CCSER1: variants seen among roughly 807,000 people sequenced by gnomAD.
CCSER1 encodes coiled-coil serine rich protein 1.
A neutral mutation model predicts 82.0 loss-of-function variants in CCSER1; 41 were observed. That is an observed-to-expected ratio of 0.50 (90% CI 0.39 to 0.65). The LOEUF is 0.65. Ranked by LOEUF, CCSER1 falls within the 30% of genes least tolerant of loss-of-function variation. The pLI is 0.00. For missense variants in CCSER1, 1,119 were observed against 1,064.2 expected, an observed-to-expected ratio of 1.05 and a Z score of -0.72; for synonymous variants, 414 against 383.9, an observed-to-expected ratio of 1.08 and a Z score of -0.92.
intron 5 of CCSER1, among the ~76,000 whole-genome samples, chr4:90,589,261 T>C (rs1481554458): frequency 6.6e-6 from 1 of 152,178 alleles, no homozygotes; most frequent in Non-Finnish European, 1.5e-5. Context: ...TTCTTTACTC[T>C]ATTTTCTATC....
At chr4:90,887,953 A>G (rs1254955036) in intron 8 of CCSER1, among the ~76,000 whole-genome samples, 2 of 152,176 alleles carry the variant, frequency 1.3e-5, no homozygotes, top group African/African-American at 4.8e-5. Flanking sequence ...AGATCAACAC[A>G]TCTGGAATTT....
intron 5 of CCSER1, among the ~76,000 whole-genome samples, chr4:90,490,937 GT>G (rs1162864935): frequency 6.6e-6 from 1 of 152,174 alleles, no homozygotes; most frequent in Non-Finnish European, 1.5e-5. Flanking sequence ...TTGTAGTATA[GT>G]TTGAAGTGAG....
At chr4:91,093,445 G>A (rs1724181981) in intron 10 of CCSER1, among the ~76,000 whole-genome samples, 1 of 152,222 alleles carries the variant, frequency 6.6e-6, no homozygotes, top group Non-Finnish European at 1.5e-5. Flanking sequence ...TTTGGTACTT[G>A]GTTAATCTAG....
At chr4:90,571,247 A>G (rs990414220) in intron 5 of CCSER1, among the ~76,000 whole-genome samples, 3 of 152,184 alleles carry the variant, frequency 2.0e-5, no homozygotes, top group African/African-American at 7.2e-5. Context: ...CCAAAGGAAA[A>G]TAAATTGTTC....
intron 7 of CCSER1, among the ~76,000 whole-genome samples, chr4:90,779,198 A>G (rs768983858): frequency 2.0e-5 from 3 of 152,108 alleles, no homozygotes; most frequent in Non-Finnish European, 4.4e-5. Flanking sequence ...ATTCAATCCA[A>G]TTGTGCTTTG....
chr4:90,157,240 T>C (rs1728409012), intron 1 of CCSER1, among the ~76,000 whole-genome samples: 1 of 152,218 alleles, frequency 6.6e-6, no homozygotes, highest in African/African-American at 2.4e-5. Flanking sequence ...TGCTGAGAGA[T>C]CCGCTGTCAG....
Position 91,474,818 on chromosome 4 carries a change from C to T in CCSER1, c.2218-123754C>T, listed in dbSNP as rs1303296401. ...ATATATATATATATATATATACACA[C>T]ACACACACACACACACACACATTGC... is the stretch of plus-strand genomic sequence containing the variant. On this transcript the variant is annotated intron_variant, in intron 10 of 10. Transcript: ENST00000509176. Among the ~76,000 whole-genome samples, 664 of 141,698 alleles carry T rather than the reference C, an allele frequency of 4.7e-3. 5 individuals are homozygous for T. Among genetic ancestry groups the T allele is most frequent in the Middle Eastern group, 0.018 (5 of 274 alleles). The allele number at this position is 141,698 out of a possible 152,430, so 93.0% of individuals were successfully genotyped here.
intron 1 of CCSER1, among the ~76,000 whole-genome samples, chr4:90,289,271 A>G (rs1730475083): frequency 6.6e-6 from 1 of 151,964 alleles, no homozygotes. Context: ...GCCCACTTAG[A>G]GCATATAACA....
At chr4:91,281,300 G>T (rs1255105565) in intron 10 of CCSER1, among the ~76,000 whole-genome samples, 1 of 151,998 alleles carries the variant, frequency 6.6e-6, no homozygotes, top group Non-Finnish European at 1.5e-5. Flanking sequence ...GTTCTTATCT[G>T]TGGAGGGATC....
At chr4:90,665,411 C>A (rs1261942363) in intron 6 of CCSER1, among the ~76,000 whole-genome samples, 1 of 151,622 alleles carries the variant, frequency 6.6e-6, no homozygotes, top group African/African-American at 2.4e-5. Flanking sequence ...AGGCTCCGCC[C>A]CCAGAGTTCA....
intron 10 of CCSER1, among the ~76,000 whole-genome samples, chr4:91,460,509 CAATTTT>C (rs1756444848): frequency 6.6e-6 from 1 of 151,988 alleles, no homozygotes; most frequent in Admixed American, 6.6e-5. Flanking sequence ...AGAAGAGAAA[CAATTTT>C]TGTGTATCTA....
intron 6 of CCSER1, among the ~76,000 whole-genome samples, chr4:90,654,087 T>A (rs1232421690): frequency 2.0e-5 from 3 of 152,102 alleles, no homozygotes; most frequent in African/African-American, 7.2e-5. Flanking sequence ...TTTGCCCCCA[T>A]GATCCAGTCA....
intron 10 of CCSER1, among the ~76,000 whole-genome samples, chr4:91,176,001 T>A (rs571580736): frequency 9.8e-5 from 15 of 152,350 alleles, no homozygotes; most frequent in African/African-American, 3.4e-4. Context: ...AATTTTTGTT[T>A]AAGGTGTAAG....
intron 7 of CCSER1, among the ~76,000 whole-genome samples, chr4:90,776,659 A>C (rs17185779): frequency 0.58 from 88,765 of 152,090 alleles, 26,193 homozygotes; most frequent in African/African-American, 0.66. Context: ...CTCCTAAATT[A>C]TTTACATGTA....
intron 10 of CCSER1, among the ~76,000 whole-genome samples, chr4:91,432,386 G>A (rs1754380982): frequency 6.6e-6 from 1 of 152,134 alleles, no homozygotes; most frequent in South Asian, 2.1e-4. Context: ...CTCGATGTGT[G>A]TATGTATTTC....
chr4:91,581,060 CCA>C (rs1196628080), intron 10 of CCSER1, among the ~76,000 whole-genome samples: 1 of 151,512 alleles, frequency 6.6e-6, no homozygotes, highest in Admixed American at 6.6e-5. Context: ...GGCAGACCTT[CCA>C]CAGATAAGGA....
intron 1 of CCSER1, among the ~76,000 whole-genome samples, chr4:90,138,045 A>T (rs1046380646): frequency 6.6e-6 from 1 of 152,210 alleles, no homozygotes; most frequent in Non-Finnish European, 1.5e-5. Context: ...TGCTCAGTAG[A>T]TGGTGAGCTC....
intron 10 of CCSER1, among the ~76,000 whole-genome samples, chr4:91,246,828 A>G (rs1216952246): frequency 2.6e-5 from 1 of 38,576 alleles, no homozygotes; most frequent in Non-Finnish European, 5.1e-5. Context: ...ATACACACAT[A>G]CACACACACA....
intron 10 of CCSER1, among the ~76,000 whole-genome samples, chr4:91,462,225 T>C (rs1334125552): frequency 6.6e-6 from 1 of 152,192 alleles, no homozygotes; most frequent in East Asian, 1.9e-4. Context: ...ACTGAAATAA[T>C]TTCCTCCTTA....
Sources: gnomAD v4.1 joint callset for allele counts (sites outside exome capture counted in the v4.1 genomes callset) on GRCh38, gnomAD v4.1.1 for gene constraint, MANE v1.5 for transcripts, NCBI Gene and HGNC (gene_info 2026-07-23, HGNC 2026-07-21) for gene names.